Variants in SEC61A1 observed in about 807,000 individuals in gnomAD.
SEC61A1 encodes the protein protein transport protein Sec61 subunit alpha isoform 1.
SEC61A1 carries 15 observed loss-of-function variants against 55.2 expected under a neutral mutation model. The ratio of observed to expected loss-of-function variants is 0.27; its 90% CI spans 0.18 to 0.42. The LOEUF is 0.42. Among genes scored for constraint, SEC61A1 ranks in the 10% least tolerant of loss-of-function variants. The pLI, the probability that SEC61A1 is intolerant of heterozygous loss-of-function variation, is 1.00. For missense variants in SEC61A1, 284 were observed against 602.6 expected (o/e 0.47, Z 5.53); for synonymous variants, 247 against 234.0 (o/e 1.06, Z -0.51).
chr3:128,053,369 A>G (rs1190362469), intron 2 of SEC61A1, among the ~76,000 whole-genome samples: 1 of 152,194 alleles, frequency 6.6e-6, no homozygotes, highest in Non-Finnish European at 1.5e-5. Context: ...GGCTGTCACA[A>G]TAGGGGGAAT....
Position 128,052,448 on chromosome 3 carries a change from C to T in SEC61A1, c.-105C>T. ...GCCGGGCTAGCACTGACGTGTCTCTCGGCGGAGCTGCTGTGCAGTGGAACG... is the reference window on the plus strand; with the variant it reads ...GCCGGGCTAGCACTGACGTGTCTCTTGGCGGAGCTGCTGTGCAGTGGAACG... On this transcript the variant is annotated 5_prime_UTR_variant, in exon 1 of 12. Transcript: ENST00000243253. 1 of 1,441,696 alleles carries T rather than the reference C, an allele frequency of 6.9e-7. No homozygotes were observed. Among genetic ancestry groups the T allele is most frequent in the Non-Finnish European group, 9.1e-7 (1 of 1,095,358 alleles). The allele number at this position is 1,441,696 out of a possible 1,614,324, so 89.3% of individuals were successfully genotyped here.
At chr3:128,052,392 C>T (rs1387297440), upstream of SEC61A1, 1 of 1,196,548 alleles carries the variant, frequency 8.4e-7, no homozygotes, top group South Asian at 4.0e-5. Context: ...CCGGCCCCGG[C>T]CCCGCCCCGC....
chr3:128,058,523 A>G (rs370245036), intron 5 of SEC61A1, among the ~76,000 whole-genome samples: 2 of 152,170 alleles, frequency 1.3e-5, no homozygotes, highest in East Asian at 1.9e-4. Flanking sequence ...CAAGAAATAC[A>G]TCTATTTAAA....
intron 8 of SEC61A1, 199 bp downstream of exon 8, chr3:128,065,236 C>T (rs1941929904): frequency 1.5e-6 from 1 of 674,514 alleles, no homozygotes; most frequent in South Asian, 1.6e-5. Flanking sequence ...ATTAACGAAA[C>T]AAAATTAAGG....
rs1942100003 is a variant in SEC61A1 at position 128,069,741 on chromosome 3, G to C, written c.*79G>C. ...AGCTCTCATCATGGCGCGTGCTGCT[G>C]CGGCATATGGACTTTTAATAATGTT... is the stretch of plus-strand genomic sequence containing the variant. On this transcript the variant is annotated 3_prime_UTR_variant, in exon 12 of 12. Transcript: ENST00000243253. 1.2e-5 allele frequency: 14 copies of C among 1,158,128 alleles called. No individual in the cohort carries two copies. The highest frequency in any genetic ancestry group is 1.8e-5 in the Non-Finnish European group (14 of 791,082). 71.7% of individuals were successfully genotyped at this position (1,158,128 alleles called of 1,614,324 possible).
chr3:128,052,306 TCGGCGAAGCGGCGCGGCG>T, upstream of SEC61A1: 1 of 336,940 alleles, frequency 3.0e-6, no homozygotes, highest in Non-Finnish European at 4.3e-6. Flanking sequence ...GCTTGAGGTC[TCGGCGAAGCGGCGCGGCG>T]CGGCGAAGCG....
At chr3:128,059,864 A>C (rs1298960694) in intron 5 of SEC61A1, among the ~76,000 whole-genome samples, 1 of 152,200 alleles carries the variant, frequency 6.6e-6, no homozygotes, top group East Asian at 1.9e-4. Flanking sequence ...AAAGCAAGTG[A>C]ATCTAGGAAA....
intron 5 of SEC61A1, 118 bp downstream of exon 5, chr3:128,056,958 A>C: frequency 1.3e-6 from 1 of 742,994 alleles, no homozygotes; most frequent in Non-Finnish European, 1.8e-6. Context: ...TTTTTTTGAG[A>C]TGGAGTCTTA....
chr3:128,060,371 A>C (rs958378752), intron 6 of SEC61A1, 137 bp from the exon 7 acceptor site: 13 of 1,109,912 alleles, frequency 1.2e-5, no homozygotes, highest in Non-Finnish European at 1.6e-5. Context: ...GAAAGGCTTT[A>C]CTGACCGCTC....
chr3:128,055,482 A>G (rs944106893), intron 2 of SEC61A1, 34 bp from the exon 3 acceptor site: 2 of 1,541,404 alleles, frequency 1.3e-6, no homozygotes, highest in African/African-American at 2.7e-5. Context: ...TTTCAAAGTA[A>G]CTCCCTGCTT....
In SEC61A1 at chr3:128,052,890, G is replaced by A. The variant is rs768685402; in HGVS notation, c.63G>A (p.Lys21=). Residue 21 remains lysine (K), a synonymous_variant, in exon 2 of 12, where the codon AAG becomes AAA. Coordinates refer to ENST00000243253, the MANE Select transcript of SEC61A1 (RefSeq NM_013336.4). ...GTGTCATCCTGCCGGAAATTCAGAAGCCAGAGAGGAAGGTAAGTACCCCAA... is the reference window on the plus strand; with the variant it reads ...GTGTCATCCTGCCGGAAATTCAGAAACCAGAGAGGAAGGTAAGTACCCCAA... The part of the protein sequence containing the change: ...PFCVILPEIQ[K]PERKIQFKEK... The A allele has an allele frequency of 6.2e-7, 1 of 1,613,256 alleles. No homozygotes were observed. The highest frequency in any genetic ancestry group is 8.5e-7 in the Non-Finnish European group (1 of 1,179,604).
At chr3:128,065,256 C>G (rs949855754) in intron 8 of SEC61A1, 6 of 630,968 alleles carry the variant, frequency 9.5e-6, no homozygotes, top group Middle Eastern at 5.0e-4. Context: ...GCAGTTCTAA[C>G]GTAAGTGAAA....
At position 128,066,844 on chromosome 3, in the gene SEC61A1, C is replaced by T. The variant is rs1941996800; in HGVS notation, c.778-110C>T. 9.8e-6 allele frequency: 10 copies of T among 1,022,468 alleles called. No homozygotes were observed. In the South Asian group the frequency reaches 1.5e-4, roughly 15 times the overall value. 63.3% of individuals were successfully genotyped at this position (1,022,468 alleles called of 1,614,324 possible). On this transcript the variant is annotated intron_variant, in intron 8 of 11. Coordinates refer to ENST00000243253, the MANE Select transcript of SEC61A1 (RefSeq NM_013336.4). ...AACTGGGAGCCCCAGAACCAGCACACAGGATTTCCTCCCTTGTGGCCCACT... is the reference window on the plus strand; with the variant it reads ...AACTGGGAGCCCCAGAACCAGCACATAGGATTTCCTCCCTTGTGGCCCACT...
rs930489358 is a variant in SEC61A1, at chr3:128,064,757, G to A, written c.617-120G>A. On this transcript the variant is annotated intron_variant, in intron 7 of 11. Coordinates refer to ENST00000243253, the MANE Select transcript of SEC61A1 (RefSeq NM_013336.4). The stretch of plus-strand genomic sequence containing the variant: ...TACATGCTGTATCCCTGTGGCTATG[G>A]GCACCATGAGTCTAATAACTTAAGT... 17 of 766,046 alleles carry A rather than the reference G, an allele frequency of 2.2e-5. 1 individual carries two copies. Among genetic ancestry groups the A allele is most frequent in the Non-Finnish European group, 3.6e-5 (17 of 472,724 alleles). The allele number at this position is 766,046 out of a possible 1,614,324, so 47.5% of individuals were successfully genotyped here. A position where few individuals can be genotyped will look rare whatever the true frequency, so the allele number is the denominator to read the frequency against.
Position 128,071,265 on chromosome 3 carries a change from A to G in SEC61A1, c.*1603A>G, listed in dbSNP as rs1306633639. On this transcript the variant is annotated 3_prime_UTR_variant, in exon 12 of 12. Transcript: ENST00000243253. Reference sequence around the variant, plus strand: ...CATATGGCCCAGGGCTTACCACCCTATCACACGTGGCCTTGTCTAGACCCA... The same window carrying G: ...CATATGGCCCAGGGCTTACCACCCTGTCACACGTGGCCTTGTCTAGACCCA... 1 of 152,500 alleles carries G rather than the reference A, an allele frequency of 6.6e-6. No homozygotes were observed. The highest frequency in any genetic ancestry group is 6.5e-5 in the Admixed American group (1 of 15,294). 9.4% of individuals were successfully genotyped at this position (152,500 alleles called of 1,614,324 possible). A position where few individuals can be genotyped will look rare whatever the true frequency, so the allele number is the denominator to read the frequency against.
chr3:128,051,964 G>A (rs1274855155), upstream of SEC61A1: 1 of 1,355,870 alleles, frequency 7.4e-7, no homozygotes, highest in African/African-American at 1.4e-5. Flanking sequence ...AGACCTACTA[G>A]GTGACGGGCG....
intron 1 of SEC61A1, 107 bp from the exon 2 acceptor site, chr3:128,052,727 TC>T: frequency 6.7e-7 from 1 of 1,483,858 alleles, no homozygotes; most frequent in South Asian, 1.2e-5. Context: ...TGCGGCCGGC[TC>T]CCCTGGCCCC....
upstream of SEC61A1, chr3:128,051,899 C>A: frequency 6.5e-7 from 1 of 1,535,872 alleles, no homozygotes; most frequent in Non-Finnish European, 8.7e-7. Context: ...ACTCAGACAG[C>A]GAGGGTGCTC....
intron 2 of SEC61A1, among the ~76,000 whole-genome samples, chr3:128,054,094 C>T (rs1941733942): frequency 6.6e-6 from 1 of 152,098 alleles, no homozygotes; most frequent in Non-Finnish European, 1.5e-5. Context: ...ATAACAAGGG[C>T]CAGACATGAG....
Sources: gnomAD v4.1 joint callset for allele counts (sites outside exome capture counted in the v4.1 genomes callset) on GRCh38, gnomAD v4.1.1 for gene constraint, MANE v1.5 for transcripts, NCBI Gene and HGNC (gene_info 2026-07-23, HGNC 2026-07-21) for gene names.